The following CASR variants were observed in gnomAD, a reference collection of about 807,000 sequenced individuals.
CASR encodes extracellular calcium-sensing receptor.
Under a neutral mutation model 69.1 loss-of-function variants are expected in CASR, and 23 were observed. That is an observed-to-expected ratio of 0.33 (90% confidence interval 0.24 to 0.47). The LOEUF (loss-of-function observed/expected upper bound fraction) is 0.47, where lower values mean the gene tolerates loss of function less well. Ranked by LOEUF, CASR falls within the 20% of genes least tolerant of loss-of-function variation. The probability of loss-of-function intolerance (pLI) is 1.00; values close to 1 mark genes in which losing one functional copy is unlikely to be tolerated. For missense variants in CASR, 924 were observed against 1,356.1 expected (o/e 0.68, Z 5.00); for synonymous variants, 541 against 544.7 (o/e 0.99, Z 0.10).
intron 1 of CASR, among the ~76,000 whole-genome samples, chr3:122,238,371 G>A (rs1427266527): frequency 2.6e-5 from 4 of 152,186 alleles, no homozygotes; most frequent in African/African-American, 4.8e-5. Flanking sequence ...ATTTGGACCA[G>A]CCCTAGCAAG....
intron 1 of CASR, among the ~76,000 whole-genome samples, chr3:122,251,535 T>C (rs1206217472): frequency 1.3e-5 from 2 of 152,218 alleles, no homozygotes; most frequent in East Asian, 3.8e-4. Flanking sequence ...AGACATGCCC[T>C]GCAATTAAGG....
rs886041823 is a variant in CASR at position 122,254,291 on chromosome 3, T to TG, written c.108dup (p.Leu37AlafsTer11). On this transcript the variant is annotated frameshift_variant, in exon 2 of 7. Coordinates refer to ENST00000639785, the MANE Select transcript of CASR (RefSeq NM_000388.4). LOFTEE classifies it high-confidence loss of function. ...CCCAAAAGAAGGGGGACATTATCCTTGGGGGGCTCTTTCCTATTCATTTTG... is the reference window on the plus strand; with the variant it reads ...CCCAAAAGAAGGGGGACATTATCCTTGGGGGGGCTCTTTCCTATTCATTTTG... The TG allele has an allele frequency of 6.2e-7, 1 of 1,614,110 alleles. No homozygotes were observed. The highest frequency in any genetic ancestry group is 8.5e-7 in the Non-Finnish European group (1 of 1,180,020).
rs1419293710 is a variant in CASR at position 122,280,858 on chromosome 3, G to T, written c.1609-1255G>T. Reference sequence around the variant, plus strand: ...TAGTAAAAGCCCTACTATGTATTAAGCATTACTCCAGGCTTTGTACCTGGG... The same window carrying T: ...TAGTAAAAGCCCTACTATGTATTAATCATTACTCCAGGCTTTGTACCTGGG... On this transcript the variant is annotated intron_variant, in intron 5 of 6. Transcript: ENST00000639785. 5.3e-5 allele frequency among the ~76,000 whole-genome samples: 8 copies of T among 152,166 alleles called. No individual in the cohort carries two copies. In the East Asian group the frequency reaches 1.5e-3, roughly 29 times the overall value.
At chr3:122,211,381 CAA>C (rs371443417) in intron 1 of CASR, among the ~76,000 whole-genome samples, 61 of 152,174 alleles carry the variant, frequency 4.0e-4, no homozygotes, top group African/African-American at 1.4e-3. Flanking sequence ...GGAACTTAAA[CAA>C]ATTTACAAGA....
At chr3:122,224,742 C>A (rs2074206210) in intron 1 of CASR, among the ~76,000 whole-genome samples, 1 of 152,118 alleles carries the variant, frequency 6.6e-6, no homozygotes, top group South Asian at 2.1e-4. Flanking sequence ...CAAAATAATC[C>A]TAAGCAAAAA....
chr3:122,205,298 T>C (rs2073996139), intron 1 of CASR, among the ~76,000 whole-genome samples: 1 of 152,092 alleles, frequency 6.6e-6, no homozygotes, highest in South Asian at 2.1e-4. Flanking sequence ...ATATGGGAAG[T>C]TACCAGTTTT....
At chr3:122,262,753 TGTGA>T (rs1261409645) in intron 4 of CASR, among the ~76,000 whole-genome samples, 2 of 152,186 alleles carry the variant, frequency 1.3e-5, no homozygotes, top group African/African-American at 4.8e-5. Context: ...ATTGTTCCCT[TGTGA>T]GTAAGAAGTA....
intron 1 of CASR, among the ~76,000 whole-genome samples, chr3:122,186,495 T>C (rs2073785060): frequency 6.6e-6 from 1 of 152,220 alleles, no homozygotes; most frequent in Non-Finnish European, 1.5e-5. Context: ...TCATTCATCA[T>C]TCAAAATGTT....
At chr3:122,212,259 G>A (rs1187031516) in intron 1 of CASR, among the ~76,000 whole-genome samples, 1 of 152,142 alleles carries the variant, frequency 6.6e-6, no homozygotes, top group Non-Finnish European at 1.5e-5. Flanking sequence ...TCCTTTGCAG[G>A]GACATGGATG....
In CASR at chr3:122,285,684, C is replaced by T. The variant is rs201010317; in HGVS notation, c.*493C>T. ...TGTATCTCCTCCTATTTATGAAAAC[C>T]ATATGATATTTTGTCTCCTACCTGC... is the stretch of plus-strand genomic sequence containing the variant. On this transcript the variant is annotated 3_prime_UTR_variant, in exon 7 of 7. Coordinates refer to ENST00000639785, the MANE Select transcript of CASR (RefSeq NM_000388.4). 1.1e-5 allele frequency: 2 copies of T among 178,382 alleles called. No homozygotes were observed. The highest frequency in any genetic ancestry group is 1.3e-4 in the East Asian group (1 of 7,448). 11.0% of individuals were successfully genotyped at this position (178,382 alleles called of 1,614,324 possible).
intron 1 of CASR, among the ~76,000 whole-genome samples, chr3:122,228,456 G>A (rs1398430670): frequency 6.6e-6 from 1 of 152,158 alleles, no homozygotes; most frequent in Non-Finnish European, 1.5e-5. Context: ...TGTGGAACGT[G>A]GAAATGCCTT....
At position 122,202,264 on chromosome 3, in the gene CASR, G is replaced by A. The variant is rs1376388110; in HGVS notation, c.-243+18452G>A. On this transcript the variant is annotated intron_variant, in intron 1 of 6. Transcript: ENST00000639785. ...AAACCCCGTCTCCACCAAAAAATCC[G>A]AAAACCAGTCAGGCGTGGTGGCGCG... is the stretch of plus-strand genomic sequence containing the variant. Among the ~76,000 whole-genome samples, 9 of 152,348 alleles carry A rather than the reference G, an allele frequency of 5.9e-5. No individual in the cohort carries two copies. The East Asian group carries it at 9.6e-4, about 16-fold the overall frequency.
chr3:122,253,406 T>C (rs2074519202), intron 1 of CASR, among the ~76,000 whole-genome samples: 1 of 152,190 alleles, frequency 6.6e-6, no homozygotes. Context: ...CACATCCAGC[T>C]AATTTTGTAT....
chr3:122,188,111 G>A lies in CASR; in HGVS notation c.-243+4299G>A, dbSNP rs190098853. Reference sequence around the variant, plus strand: ...AGGGTTTTACATAGAGGAGTGACTCGTGAGCATTTTTGCAATCACTCTGGC... The same window carrying A: ...AGGGTTTTACATAGAGGAGTGACTCATGAGCATTTTTGCAATCACTCTGGC... On this transcript the variant is annotated intron_variant, in intron 1 of 6. Coordinates refer to ENST00000639785, the MANE Select transcript of CASR (RefSeq NM_000388.4). Among the ~76,000 whole-genome samples the A allele has an allele frequency of 1.2e-4, 19 of 152,310 alleles. No individual in the cohort carries two copies. The South Asian group carries it at 1.7e-3, about 13-fold the overall frequency.
At position 122,275,886 on chromosome 3, in the gene CASR, C is replaced by T. The variant is rs776775141; in HGVS notation, c.1452C>T (p.Asp484=). Residue 484 remains aspartate, a synonymous_variant, in exon 5 of 7, where the codon GAC becomes GAT. Transcript: ENST00000639785. ...GEQVTFDECG[D]LVGNYSIINW... is the part of the protein sequence containing the mutation. Reference sequence around the variant, plus strand: ...AGGTGACCTTTGATGAGTGTGGTGACCTGGTGGGGAACTATTCCATCATCA... The same window carrying T: ...AGGTGACCTTTGATGAGTGTGGTGATCTGGTGGGGAACTATTCCATCATCA... The T allele has an allele frequency of 5.6e-6, 9 of 1,613,982 alleles. No homozygotes were observed. Among genetic ancestry groups the T allele is most frequent in the Admixed American group, 3.3e-5 (2 of 60,004 alleles).
intron 1 of CASR, among the ~76,000 whole-genome samples, chr3:122,206,296 G>A (rs1197963628): frequency 6.6e-6 from 1 of 151,380 alleles, no homozygotes; most frequent in Non-Finnish European, 1.5e-5. Context: ...AAGATACGTT[G>A]AATTTTATCA....
chr3:122,222,755 C>T (rs1380140615), intron 1 of CASR, among the ~76,000 whole-genome samples: 1 of 152,038 alleles, frequency 6.6e-6, no homozygotes, highest in Non-Finnish European at 1.5e-5. Context: ...CCAAAAACAA[C>T]AGAATATACA....
At chr3:122,200,607 T>C (rs536665663) in intron 1 of CASR, among the ~76,000 whole-genome samples, 78 of 152,350 alleles carry the variant, frequency 5.1e-4, no homozygotes, top group African/African-American at 1.8e-3. Flanking sequence ...TTTCAGTGTA[T>C]AAGTGTGCCA....
At chr3:122,242,743 CA>C (rs1288912038) in intron 1 of CASR, among the ~76,000 whole-genome samples, 1 of 151,972 alleles carries the variant, frequency 6.6e-6, no homozygotes, top group Non-Finnish European at 1.5e-5. Context: ...AAGAATAAAC[CA>C]GAGGAATCAC....
Sources: gnomAD v4.1 joint callset for allele counts (sites outside exome capture counted in the v4.1 genomes callset) on GRCh38, gnomAD v4.1.1 for gene constraint, MANE v1.5 for transcripts, NCBI Gene and HGNC (gene_info 2026-07-23, HGNC 2026-07-21) for gene names.